Variants in SRSF10 observed in about 807,000 individuals in gnomAD.
SRSF10 encodes the protein serine and arginine rich splicing factor 10.
A neutral mutation model predicts 32.6 loss-of-function variants in SRSF10; 9 were observed. That is an observed-to-expected ratio of 0.28 (90% CI 0.17 to 0.48). SRSF10 has a LOEUF of 0.48. Ranked by LOEUF, SRSF10 falls within the 20% of genes least tolerant of loss-of-function variation. The pLI is 0.99. For missense variants in SRSF10, 201 were observed against 331.8 expected, an observed-to-expected ratio of 0.61 and a Z score of 3.06; for synonymous variants, 105 against 112.4, an observed-to-expected ratio of 0.93 and a Z score of 0.42.
Position 23,966,408 on chromosome 1 carries a change from C to T in SRSF10, c.*4734G>A, listed in dbSNP as rs1220558532. 1 of 151,876 alleles carries T rather than the reference C, an allele frequency of 6.6e-6. No individual in the cohort carries two copies. The highest frequency in any genetic ancestry group is 1.5e-5 in the Non-Finnish European group (1 of 67,822). 9.4% of individuals were successfully genotyped at this position (151,876 alleles called of 1,614,324 possible). On this transcript the variant is annotated 3_prime_UTR_variant, in exon 6 of 6. Coordinates refer to ENST00000492112, the MANE Select transcript of SRSF10 (RefSeq NM_054016.4). The stretch of plus-strand genomic sequence containing the variant: ...TGAAATCAATGTATAGGTAAAGAAA[C>T]ATCATATCCTAATAAGAAACTAAGG...
chr1:23,976,477 C>T (rs1642098577), intron 2 of SRSF10: 1 of 152,206 alleles, frequency 6.6e-6, no homozygotes, highest in African/African-American at 2.4e-5. Context: ...AATACTGTAA[C>T]TGAACATCCC....
intron 3 of SRSF10, among the ~76,000 whole-genome samples, chr1:23,972,911 C>T (rs1323273212): frequency 1.3e-5 from 2 of 152,038 alleles, no homozygotes; most frequent in African/African-American, 2.4e-5. Context: ...AGGCTAGTTT[C>T]GTATTTTTAG....
At chr1:23,974,857 GAAA>G in intron 3 of SRSF10, 114 bp downstream of exon 3, 1 of 752,358 alleles carries the variant, frequency 1.3e-6, no homozygotes, top group Non-Finnish European at 2.2e-6. Flanking sequence ...AAGAAAGAAA[GAAA>G]AAAAAGATCC....
At chr1:23,971,759 T>C in intron 4 of SRSF10, 91 bp downstream of exon 4, 1 of 1,486,272 alleles carries the variant, frequency 6.7e-7, no homozygotes, top group Non-Finnish European at 9.2e-7. Flanking sequence ...ATTCAATGTA[T>C]ATAATTAAAA....
intron 3 of SRSF10, among the ~76,000 whole-genome samples, chr1:23,972,328 A>G (rs1224688049): frequency 1.3e-5 from 2 of 151,996 alleles, no homozygotes; most frequent in Admixed American, 1.3e-4. Flanking sequence ...ACTTGAGCTC[A>G]TGAGTTGGTG....
At chr1:23,974,264 G>C (rs965147090) in intron 3 of SRSF10, among the ~76,000 whole-genome samples, 10 of 151,992 alleles carry the variant, frequency 6.6e-5, no homozygotes, top group Non-Finnish European at 1.3e-4. Context: ...TGCACCCTGC[G>C]GTTATTTTAA....
chr1:23,973,979 C>G (rs1353523545), intron 3 of SRSF10, among the ~76,000 whole-genome samples: 2 of 143,718 alleles, frequency 1.4e-5, no homozygotes, highest in Admixed American at 1.4e-4. Flanking sequence ...AGCTCCTCCT[C>G]TCCTCAGCAG....
At position 23,970,672 on chromosome 1, in the gene SRSF10, T is replaced by C; in HGVS notation, c.*470A>G. 2.0e-6 allele frequency: 2 copies of C among 986,930 alleles called. No individual in the cohort carries two copies. Among genetic ancestry groups the C allele is most frequent in the Non-Finnish European group, 1.2e-6 (1 of 831,098 alleles). The allele number at this position is 986,930 out of a possible 1,614,324, so 61.1% of individuals were successfully genotyped here. On this transcript the variant is annotated 3_prime_UTR_variant, in exon 6 of 6. Coordinates refer to ENST00000492112, the MANE Select transcript of SRSF10 (RefSeq NM_054016.4). ...CCACGCCCAGCCGGGCCTAGACATC[T>C]TGACAAGACATAAAGGTCCACCCTG...
rs1275024562 is a variant in SRSF10 at position 23,965,345 on chromosome 1, C to T, written c.*5797G>A. ...AATGCAATACAATGGAAAATCTCTA[C>T]AAGAGAATGAGATTTGGAAAGCCAT... On this transcript the variant is annotated 3_prime_UTR_variant, in exon 6 of 6. Coordinates refer to ENST00000492112, the MANE Select transcript of SRSF10 (RefSeq NM_054016.4). 5 of 151,946 alleles carry T rather than the reference C, an allele frequency of 3.3e-5. No individual in the cohort carries two copies. The highest frequency in any genetic ancestry group is 5.9e-5 in the Non-Finnish European group (4 of 67,826). 9.4% of individuals were successfully genotyped at this position (151,946 alleles called of 1,614,324 possible).
Position 23,980,270 on chromosome 1 carries a change from T to C in SRSF10, c.-15A>G. 5 of 1,477,982 alleles carry C rather than the reference T, an allele frequency of 3.4e-6. No individual in the cohort carries two copies. Among genetic ancestry groups the C allele is most frequent in the South Asian group, 1.3e-5 (1 of 77,774 alleles). The allele number at this position is 1,477,982 out of a possible 1,614,324, so 91.6% of individuals were successfully genotyped here. A position where few individuals can be genotyped will look rare whatever the true frequency, so the allele number is the denominator to read the frequency against. ...TAGCGGGACATGGCGGCGGCGTGTC[T>C]CGGCCGGGCGCACTAACGGGCTCAG... On this transcript the variant is annotated 5_prime_UTR_variant, in exon 1 of 6. Transcript: ENST00000492112.
At chr1:23,972,715 T>G (rs1474250000) in intron 3 of SRSF10, among the ~76,000 whole-genome samples, 1 of 150,740 alleles carries the variant, frequency 6.6e-6, no homozygotes, top group Non-Finnish European at 1.5e-5. Context: ...GTGCTAGGAT[T>G]ACAGGTGTGA....
rs1641462676 is a variant in SRSF10, at chr1:23,966,594, G to A, written c.*4548C>T. 1.3e-5 allele frequency: 2 copies of A among 151,922 alleles called. No homozygotes were observed. Among genetic ancestry groups the A allele is most frequent in the African/African-American group, 4.8e-5 (2 of 41,416 alleles). 9.4% of individuals were successfully genotyped at this position (151,922 alleles called of 1,614,324 possible). On this transcript the variant is annotated 3_prime_UTR_variant, in exon 6 of 6. Transcript: ENST00000492112. Reference sequence around the variant, plus strand: ...CAGTTAGGATAACAGCTCTCTGTCTGCCTCAAAATAATCTAATTATAGCAC... The same window carrying A: ...CAGTTAGGATAACAGCTCTCTGTCTACCTCAAAATAATCTAATTATAGCAC...
At chr1:23,973,596 C>T (rs1423872508) in intron 3 of SRSF10, among the ~76,000 whole-genome samples, 1 of 152,194 alleles carries the variant, frequency 6.6e-6, no homozygotes, top group Non-Finnish European at 1.5e-5. Context: ...GGTGGGATTA[C>T]AGGCGTGAGC....
At chr1:23,978,372 A>G (rs1642211184) in intron 2 of SRSF10, 2 of 910,888 alleles carry the variant, frequency 2.2e-6, no homozygotes, top group Non-Finnish European at 2.6e-6. Flanking sequence ...TCAAATTAAC[A>G]AACAAGAATA....
Position 23,971,364 on chromosome 1 carries a change from T to C in SRSF10, c.567A>G (p.Lys189=). The C allele has an allele frequency of 6.2e-7, 1 of 1,612,670 alleles. No individual in the cohort carries two copies. Among genetic ancestry groups the C allele is most frequent in the Non-Finnish European group, 8.5e-7 (1 of 1,179,926 alleles). Residue 189 remains lysine, a synonymous_variant, in exon 6 of 6, where the codon AAA becomes AAG. Coordinates refer to ENST00000492112, the MANE Select transcript of SRSF10 (RefSeq NM_054016.4). ...TAGAACGTGATTTAGCCTTCATTTCTTTCTTGGGCTGGGACTTGGACCGTG... is the reference window on the plus strand; with the variant it reads ...TAGAACGTGATTTAGCCTTCATTTCCTTCTTGGGCTGGGACTTGGACCGTG... The part of the protein sequence containing the change: ...SRSRSKSQPK[K]EMKAKSRSRS...
chr1:23,970,016 C>A lies in SRSF10; in HGVS notation c.*1126G>T. The A allele has an allele frequency of 1.0e-6, 1 of 985,404 alleles. No individual in the cohort carries two copies. Among genetic ancestry groups the A allele is most frequent in the Non-Finnish European group, 1.2e-6 (1 of 829,936 alleles). The allele number at this position is 985,404 out of a possible 1,614,324, so 61.0% of individuals were successfully genotyped here. On this transcript the variant is annotated 3_prime_UTR_variant, in exon 6 of 6. Transcript: ENST00000492112. ...AATTTCAGTTCTTTTACACTAGGCA[C>A]ACACACACAAAACCTACTTTGAAAC...
chr1:23,976,084 T>TA (rs1642067762), intron 2 of SRSF10: 1 of 152,252 alleles, frequency 6.6e-6, no homozygotes, highest in Non-Finnish European at 1.5e-5. Flanking sequence ...CAGTGTTTGA[T>TA]ATAAATGGTT....
rs1328603166 is a variant in SRSF10 at position 23,966,410 on chromosome 1, T to C, written c.*4732A>G. On this transcript the variant is annotated 3_prime_UTR_variant, in exon 6 of 6. Coordinates refer to ENST00000492112, the MANE Select transcript of SRSF10 (RefSeq NM_054016.4). ...AAATCAATGTATAGGTAAAGAAACA[T>C]CATATCCTAATAAGAAACTAAGGAA... 1.3e-5 allele frequency: 2 copies of C among 151,940 alleles called. No homozygotes were observed. Among genetic ancestry groups the C allele is most frequent in the African/African-American group, 2.4e-5 (1 of 41,428 alleles). 9.4% of individuals were successfully genotyped at this position (151,940 alleles called of 1,614,324 possible). A position where few individuals can be genotyped will look rare whatever the true frequency, so the allele number is the denominator to read the frequency against.
rs924617152 is a variant in SRSF10, at chr1:23,965,348, G to C, written c.*5794C>G. 2 of 151,938 alleles carry C rather than the reference G, an allele frequency of 1.3e-5. No individual in the cohort carries two copies. Among genetic ancestry groups the C allele is most frequent in the Non-Finnish European group, 1.5e-5 (1 of 67,834 alleles). 9.4% of individuals were successfully genotyped at this position (151,938 alleles called of 1,614,324 possible). Reference sequence around the variant, plus strand: ...GCAATACAATGGAAAATCTCTACAAGAGAATGAGATTTGGAAAGCCATGCT... The same window carrying C: ...GCAATACAATGGAAAATCTCTACAACAGAATGAGATTTGGAAAGCCATGCT... On this transcript the variant is annotated 3_prime_UTR_variant, in exon 6 of 6. Transcript: ENST00000492112.
Sources: gnomAD v4.1 joint callset for allele counts (sites outside exome capture counted in the v4.1 genomes callset) on GRCh38, gnomAD v4.1.1 for gene constraint, MANE v1.5 for transcripts, NCBI Gene and HGNC (gene_info 2026-07-23, HGNC 2026-07-21) for gene names.